NKAIN2: variants seen among roughly 807,000 people sequenced by gnomAD.
NKAIN2 encodes sodium/potassium-transporting ATPase subunit beta-1-interacting protein 2.
A neutral mutation model predicts 32.6 loss-of-function variants in NKAIN2; 14 were observed. The observed-to-expected ratio is 0.43, with a 90% confidence interval of 0.28 to 0.67. The LOEUF is 0.67. NKAIN2 is among the 30% of genes least tolerant of loss of function. The pLI is 0.17. For missense variants in NKAIN2, 198 were observed against 258.3 expected, an observed-to-expected ratio of 0.77 and a Z score of 1.60; for synonymous variants, 80 against 87.2, an observed-to-expected ratio of 0.92 and a Z score of 0.46.
intron 1 of NKAIN2, among the ~76,000 whole-genome samples, chr6:124,146,374 T>C (rs1451910849): frequency 1.3e-5 from 2 of 152,184 alleles, no homozygotes; most frequent in Non-Finnish European, 2.9e-5. Context: ...TTTTGTACTC[T>C]ACAGATTGTC....
At position 124,609,566 on chromosome 6, in the gene NKAIN2, A is replaced by T. The variant is rs1222357282; in HGVS notation, c.274-48620A>T. Among the ~76,000 whole-genome samples the T allele has an allele frequency of 2.6e-5, 4 of 152,076 alleles. No homozygotes were observed. The East Asian group carries it at 7.7e-4, about 29-fold the overall frequency. On this transcript the variant is annotated intron_variant, in intron 3 of 6. Transcript: ENST00000368417. ...GGGATGAGAGTAACGAGTGAAGATGATGAACATGTGTCTGATCGATGTGTC... is the reference window on the plus strand; with the variant it reads ...GGGATGAGAGTAACGAGTGAAGATGTTGAACATGTGTCTGATCGATGTGTC...
At chr6:124,244,248 A>G (rs1426526979) in intron 1 of NKAIN2, among the ~76,000 whole-genome samples, 1 of 65,754 alleles carries the variant, frequency 1.5e-5, no homozygotes, top group African/African-American at 6.2e-5. Context: ...CCCTCCCCCC[A>G]CCCCACAACA....
chr6:124,244,860 A>G (rs1024131342), intron 1 of NKAIN2, among the ~76,000 whole-genome samples: 1 of 152,026 alleles, frequency 6.6e-6, no homozygotes, highest in Non-Finnish European at 1.5e-5. Context: ...ACTAAAATAT[A>G]TTTTCACTAG....
chr6:124,573,286 C>T (rs1781199897), intron 3 of NKAIN2, among the ~76,000 whole-genome samples: 1 of 152,194 alleles, frequency 6.6e-6, no homozygotes, highest in Non-Finnish European at 1.5e-5. Flanking sequence ...GCAGCATACG[C>T]CTTTCCTTCA....
intron 4 of NKAIN2, among the ~76,000 whole-genome samples, chr6:124,759,743 A>G (rs916797968): frequency 6.6e-6 from 1 of 151,664 alleles, no homozygotes; most frequent in Non-Finnish European, 1.5e-5. Context: ...CCCAACATTC[A>G]TGTGTTGGAA....
chr6:124,268,452 A>G (rs1794601835), intron 1 of NKAIN2, among the ~76,000 whole-genome samples: 1 of 152,210 alleles, frequency 6.6e-6, no homozygotes, highest in African/African-American at 2.4e-5. Context: ...GCCATTGCCA[A>G]TAGAAGGAAA....
At chr6:123,906,284 T>A (rs1033471152) in intron 1 of NKAIN2, among the ~76,000 whole-genome samples, 20 of 141,802 alleles carry the variant, frequency 1.4e-4, no homozygotes, top group African/African-American at 5.2e-4. Context: ...CTTCTTCTAC[T>A]TTTTTTTTTT....
At chr6:124,725,546 A>G (rs539341006) in intron 4 of NKAIN2, among the ~76,000 whole-genome samples, 9 of 152,184 alleles carry the variant, frequency 5.9e-5, no homozygotes, top group Non-Finnish European at 1.2e-4. Context: ...ATCATATGCC[A>G]AGTTGTTTGT....
chr6:124,110,952 G>T (rs1210256510), intron 1 of NKAIN2, among the ~76,000 whole-genome samples: 2 of 152,040 alleles, frequency 1.3e-5, no homozygotes, highest in African/African-American at 2.4e-5. Context: ...ATATTTGGTA[G>T]AATTTAGTAG....
chr6:124,024,159 T>C (rs1439083839), intron 1 of NKAIN2, among the ~76,000 whole-genome samples: 1 of 152,140 alleles, frequency 6.6e-6, no homozygotes, highest in African/African-American at 2.4e-5. Context: ...AAATAATGTT[T>C]CAAGTTTGAT....
At chr6:124,274,057 G>A (rs780382941) in intron 1 of NKAIN2, among the ~76,000 whole-genome samples, 2 of 152,176 alleles carry the variant, frequency 1.3e-5, no homozygotes, top group Admixed American at 6.5e-5. Context: ...TTTCACATGA[G>A]TATAGGGAGA....
At chr6:123,913,676 C>T (rs1358582454) in intron 1 of NKAIN2, among the ~76,000 whole-genome samples, 1 of 152,084 alleles carries the variant, frequency 6.6e-6, no homozygotes, top group Non-Finnish European at 1.5e-5. Context: ...TTTCTTTATA[C>T]AAATATTATT....
chr6:124,501,549 C>T (rs1445327709), intron 3 of NKAIN2, among the ~76,000 whole-genome samples: 1 of 152,180 alleles, frequency 6.6e-6, no homozygotes, highest in Non-Finnish European at 1.5e-5. Context: ...CTAACTGTTC[C>T]AATGTTGCCA....
intron 3 of NKAIN2, among the ~76,000 whole-genome samples, chr6:124,456,941 A>G (rs1253733157): frequency 6.6e-6 from 1 of 151,770 alleles, no homozygotes; most frequent in East Asian, 1.9e-4. Flanking sequence ...TTATTGTGGC[A>G]GTGGTGTAAG....
chr6:124,814,100 G>A (rs1562399757), intron 5 of NKAIN2, among the ~76,000 whole-genome samples: 1 of 152,104 alleles, frequency 6.6e-6, no homozygotes, highest in Non-Finnish European at 1.5e-5. Flanking sequence ...CTATCTACAT[G>A]GCACCCCAAA....
chr6:124,277,205 GC>G (rs1214184298), intron 1 of NKAIN2, among the ~76,000 whole-genome samples: 1 of 152,102 alleles, frequency 6.6e-6, no homozygotes, highest in Admixed American at 6.6e-5. Context: ...CTAGAAATTA[GC>G]CATACTTGAC....
rs200102513 is a variant in NKAIN2 at position 124,202,657 on chromosome 6, AT to A, written c.55-80340del. Among the ~76,000 whole-genome samples, 358 of 151,828 alleles carry A rather than the reference AT, an allele frequency of 2.4e-3. 9 individuals carry two copies. Among genetic ancestry groups the A allele is most frequent in the Admixed American group, 0.018 (279 of 15,210 alleles). On this transcript the variant is annotated intron_variant, in intron 1 of 6. Transcript: ENST00000368417. ...TCATTTAACACCTTTGAATGTTAGG[AT>A]TTTTTTTATTCTAAGGAATGGTGAC... is the stretch of plus-strand genomic sequence containing the variant.
chr6:124,234,080 A>G (rs903483367), intron 1 of NKAIN2, among the ~76,000 whole-genome samples: 1 of 152,024 alleles, frequency 6.6e-6, no homozygotes. Flanking sequence ...AGGCACCCCA[A>G]TTCTCTCACT....
intron 3 of NKAIN2, among the ~76,000 whole-genome samples, chr6:124,520,806 A>G (rs553909671): frequency 9.2e-5 from 14 of 152,356 alleles, no homozygotes; most frequent in African/African-American, 3.4e-4. Context: ...TAGAAATTAC[A>G]TAGTCTGAGC....
Sources: gnomAD v4.1 joint callset for allele counts (sites outside exome capture counted in the v4.1 genomes callset) on GRCh38, gnomAD v4.1.1 for gene constraint, MANE v1.5 for transcripts, NCBI Gene and HGNC (gene_info 2026-07-23, HGNC 2026-07-21) for gene names.